The following CELSR1 variants were observed in gnomAD, a reference collection of about 807,000 sequenced individuals.
The protein encoded by CELSR1 is cadherin EGF LAG seven-pass G-type receptor 1.
Under a neutral mutation model 249.1 loss-of-function variants are expected in CELSR1, and 110 were observed. The observed-to-expected ratio is 0.44, with a 90% CI of 0.38 to 0.52. CELSR1 has a LOEUF of 0.52. CELSR1 is among the 20% of genes least tolerant of loss of function. The pLI is 0.00. For missense variants in CELSR1, 4,109 were observed against 4,296.4 expected (o/e 0.96, Z 1.22); for synonymous variants, 2,113 against 1,900.0 (o/e 1.11, Z -2.92).
In CELSR1 at chr22:46,433,380, G is replaced by C. The variant is rs2079618870; in HGVS notation, c.4611+13C>G. ...GCCCTGGGGCCAGGGGGAAGTGGTG[G>C]GGCCCATCTTACCTTGTTGTAGTAC... On this transcript the variant is annotated intron_variant, in intron 5 of 34. Transcript: ENST00000674500. This position sits in a 1 kb window ranked among gnomAD's most constrained non-coding sequence, Gnocchi z 5.7. 1 of 1,609,076 alleles carries C rather than the reference G, an allele frequency of 6.2e-7. No homozygotes were observed. Among genetic ancestry groups the C allele is most frequent in the East Asian group, 2.2e-5 (1 of 44,756 alleles).
chr22:46,503,536 G>T (rs2080485921), intron 1 of CELSR1, among the ~76,000 whole-genome samples: 1 of 152,250 alleles, frequency 6.6e-6, no homozygotes, highest in Admixed American at 6.5e-5. Flanking sequence ...ACTGCATCCA[G>T]CGAGAGGAAG....
intron 5 of CELSR1, among the ~76,000 whole-genome samples, chr22:46,416,228 G>A (rs1056802157): frequency 6.6e-6 from 1 of 152,236 alleles, no homozygotes; most frequent in African/African-American, 2.4e-5. Flanking sequence ...GGGCCACAGG[G>A]TTGTGTCTGA....
intron 5 of CELSR1, among the ~76,000 whole-genome samples, chr22:46,426,126 G>GGCCGGGGAGGGCGCA (rs2079533769): frequency 2.9e-5 from 3 of 103,460 alleles, no homozygotes; most frequent in African/African-American, 1.5e-4. Context: ...AGAGCAGCAA[G>GGCCGGGGAGGGCGCA]GCTGGGGAGG....
At chr22:46,503,899 C>G (rs1264751428) in intron 1 of CELSR1, among the ~76,000 whole-genome samples, 1 of 151,960 alleles carries the variant, frequency 6.6e-6, no homozygotes, top group Non-Finnish European at 1.5e-5. Flanking sequence ...CCAGGTGTGG[C>G]GATGTGCATC....
chr22:46,398,670 C>A lies in CELSR1; in HGVS notation c.5413-33G>T. The A allele has an allele frequency of 6.5e-7, 1 of 1,529,268 alleles. No individual in the cohort carries two copies. The highest frequency in any genetic ancestry group is 8.9e-7 in the Non-Finnish European group (1 of 1,118,124). The allele number at this position is 1,529,268 out of a possible 1,614,324, so 94.7% of individuals were successfully genotyped here. A position where few individuals can be genotyped will look rare whatever the true frequency, so the allele number is the denominator to read the frequency against. ...GAGAGAGGGGCCGGGGATCTGGGGGCTGCATCCACCATCCTAGAAACGTCT... is the reference window on the plus strand; with the variant it reads ...GAGAGAGGGGCCGGGGATCTGGGGGATGCATCCACCATCCTAGAAACGTCT... On this transcript the variant is annotated intron_variant, in intron 10 of 34. Coordinates refer to ENST00000674500, the MANE Select transcript of CELSR1 (RefSeq NM_001378328.1). The surrounding 1 kb of genome is among the most constrained non-coding windows in gnomAD (Gnocchi z 7.2).
At chr22:46,365,191 T>C in intron 32 of CELSR1, 40 bp downstream of exon 32, 1 of 1,596,230 alleles carries the variant, frequency 6.3e-7, no homozygotes, top group South Asian at 1.1e-5. Context: ...GAGCCCGCTG[T>C]CCACAGCCCA....
chr22:46,414,559 G>C (rs907721499), intron 5 of CELSR1, among the ~76,000 whole-genome samples: 1 of 151,718 alleles, frequency 6.6e-6, no homozygotes, highest in South Asian at 2.1e-4. Context: ...GCCTCTCGGC[G>C]AGTGTGGGTT....
At chr22:46,421,195 T>C (rs532488439) in intron 5 of CELSR1, among the ~76,000 whole-genome samples, 2 of 148,538 alleles carry the variant, frequency 1.3e-5, no homozygotes, top group Non-Finnish European at 3.0e-5. Flanking sequence ...CCACCCTCCC[T>C]GCCGAGGTGC....
chr22:46,449,188 A>C (rs562333835), intron 2 of CELSR1, among the ~76,000 whole-genome samples: 6 of 150,916 alleles, frequency 4.0e-5, no homozygotes, highest in Admixed American at 4.0e-4. Flanking sequence ...CCAACCACCC[A>C]TCACACATCC....
At position 46,437,869 on chromosome 22, in the gene CELSR1, T is replaced by G. The variant is rs1426275495; in HGVS notation, c.4406+1320A>C. 6.6e-6 allele frequency among the ~76,000 whole-genome samples: 1 copy of G among 152,074 alleles called. No individual in the cohort carries two copies. Among genetic ancestry groups the G allele is most frequent in the Non-Finnish European group, 1.5e-5 (1 of 68,024 alleles). ...AATACCCACACAGCACACTGATGCT[T>G]GGGCAGGGAATGAGCAGGGAGAAGG... On this transcript the variant is annotated intron_variant, in intron 3 of 34. Transcript: ENST00000674500. This position sits in a 1 kb window ranked among gnomAD's most constrained non-coding sequence, Gnocchi z 4.9.
In CELSR1 at chr22:46,391,794, G is replaced by A. The variant is rs1190061955; in HGVS notation, c.5987C>T (p.Ala1996Val). Reference protein sequence around the residue: ...QCKENYYKLLAQDTCLPCDCF... With the variant: ...QCKENYYKLLVQDTCLPCDCF... ...GTCGCAGGGCAGACAGGTGTCCTGG[G>A]CTAGGAGCTTGTAGTAATTCTCCTG... Residue 1996 changes from alanine to valine, a missense_variant, in exon 15 of 35, where the codon GCC becomes GTC. Physicochemically the swap from Ala to Val is moderately conservative, Grantham distance 64. Around this residue, in one of 7 missense-constraint regions of CELSR1, gnomAD observed 1,805 missense variants for 1,831.6 expected, o/e 0.99. Coordinates refer to ENST00000674500, the MANE Select transcript of CELSR1 (RefSeq NM_001378328.1). The surrounding 1 kb of genome is among the most constrained non-coding windows in gnomAD (Gnocchi z 4.3). 1.2e-6 allele frequency: 2 copies of A among 1,611,286 alleles called. No individual in the cohort carries two copies. Among genetic ancestry groups the A allele is most frequent in the Non-Finnish European group, 1.7e-6 (2 of 1,179,436 alleles).
rs1312661939 is a variant in CELSR1 at position 46,417,585 on chromosome 22, G to A, written c.4612-5826C>T. ...AGCCACTGGGCCACCGGGTGGGGAGGGCAGCTCCACACTATCCCAGGTTGT... is the reference window on the plus strand; with the variant it reads ...AGCCACTGGGCCACCGGGTGGGGAGAGCAGCTCCACACTATCCCAGGTTGT... On this transcript the variant is annotated intron_variant, in intron 5 of 34. Coordinates refer to ENST00000674500, the MANE Select transcript of CELSR1 (RefSeq NM_001378328.1). This position sits in a 1 kb window ranked among gnomAD's most constrained non-coding sequence, Gnocchi z 4.1. Among the ~76,000 whole-genome samples the A allele has an allele frequency of 6.6e-6, 1 of 152,172 alleles. No individual in the cohort carries two copies. The highest frequency in any genetic ancestry group is 2.4e-5 in the African/African-American group (1 of 41,430).
chr22:46,509,762 G>T lies in CELSR1; in HGVS notation c.3544+23865C>A, dbSNP rs138936449. On this transcript the variant is annotated intron_variant, in intron 1 of 34. Transcript: ENST00000674500. The stretch of plus-strand genomic sequence containing the variant: ...GCTGGCCTCAGGGAGCTGGGAGGAG[G>T]GGTTTCACGAGGGGATGGCTGTGGG... Among the ~76,000 whole-genome samples, 4 of 152,250 alleles carry T rather than the reference G, an allele frequency of 2.6e-5. No individual in the cohort carries two copies. In the East Asian group the frequency reaches 5.8e-4, roughly 22 times the overall value.
At chr22:46,365,543 G>C in intron 31 of CELSR1, 43 bp downstream of exon 31, 1 of 1,554,858 alleles carries the variant, frequency 6.4e-7, no homozygotes, top group East Asian at 2.4e-5. Context: ...AGGGACGTGG[G>C]AAAAACAACC....
chr22:46,501,418 C>A (rs1026586870), intron 1 of CELSR1, among the ~76,000 whole-genome samples: 5 of 152,078 alleles, frequency 3.3e-5, no homozygotes, highest in African/African-American at 9.7e-5. Flanking sequence ...GTTGGCCAGG[C>A]TGGTCTCAAA....
In CELSR1 at chr22:46,398,705, G is replaced by A. The variant is rs561424597; in HGVS notation, c.5413-68C>T. 339 of 1,256,814 alleles carry A rather than the reference G, an allele frequency of 2.7e-4. No homozygotes were observed. In the African/African-American group the frequency reaches 4.2e-3, roughly 15 times the overall value. 77.9% of individuals were successfully genotyped at this position (1,256,814 alleles called of 1,614,324 possible). A position where few individuals can be genotyped will look rare whatever the true frequency, so the allele number is the denominator to read the frequency against. ...CATCCTAGAAACGTCTCTCAGATGG[G>A]AAGGATACACTGGAAGTCTAAACAG... On this transcript the variant is annotated intron_variant, in intron 10 of 34. Coordinates refer to ENST00000674500, the MANE Select transcript of CELSR1 (RefSeq NM_001378328.1). The surrounding 1 kb of genome is among the most constrained non-coding windows in gnomAD (Gnocchi z 7.2).
Position 46,433,350 on chromosome 22 carries a change from G to A in CELSR1, c.4611+43C>T, listed in dbSNP as rs376345280. The A allele has an allele frequency of 6.3e-4, 974 of 1,534,718 alleles. No homozygotes were observed. Among genetic ancestry groups the A allele is most frequent in the Non-Finnish European group, 8.2e-4 (910 of 1,116,342 alleles). On this transcript the variant is annotated intron_variant, in intron 5 of 34. Transcript: ENST00000674500. This position sits in a 1 kb window ranked among gnomAD's most constrained non-coding sequence, Gnocchi z 5.7. ...GCGCCTCGCCCCAGGGCACCTTCTCGAGCCGCCCTGGGGCCAGGGGGAAGT... is the reference window on the plus strand; with the variant it reads ...GCGCCTCGCCCCAGGGCACCTTCTCAAGCCGCCCTGGGGCCAGGGGGAAGT...
rs1412434020 is a variant in CELSR1, at chr22:46,408,369, T to G, written c.5226+627A>C. On this transcript the variant is annotated intron_variant, in intron 9 of 34. Coordinates refer to ENST00000674500, the MANE Select transcript of CELSR1 (RefSeq NM_001378328.1). The surrounding 1 kb of genome is among the most constrained non-coding windows in gnomAD (Gnocchi z 4.6). ...TTTTTGAGATGGAGTCTCTGTCTTG[T>G]CGTCCAGACTGGAGTGTGGTGACAC... Among the ~76,000 whole-genome samples, 1 of 152,170 alleles carries G rather than the reference T, an allele frequency of 6.6e-6. No homozygotes were observed. The highest frequency in any genetic ancestry group is 1.5e-5 in the Non-Finnish European group (1 of 68,038).
At position 46,377,186 on chromosome 22, in the gene CELSR1, A is replaced by G. The variant is rs937486076; in HGVS notation, c.7459T>C (p.Phe2487Leu). The G allele has an allele frequency of 2.5e-6, 4 of 1,613,918 alleles. No homozygotes were observed. In the Middle Eastern group the frequency reaches 6.6e-4, roughly 266 times the overall value. The part of the protein sequence containing the change: ...SLSLAALLVA[F>L]VLLSLVRMLR... ...ATGCGGACCAGGCTCAGGAGGACGA[A>G]GGCCACCAGCAGGGCTGCCAGTGAC... Residue 2487 changes from phenylalanine (F) to leucine (L), a missense_variant, in exon 24 of 35, where the codon TTC (phenylalanine) becomes CTC (leucine). Physicochemically the swap from Phe to Leu is conservative, Grantham distance 22. Coordinates refer to ENST00000674500, the MANE Select transcript of CELSR1 (RefSeq NM_001378328.1).
Sources: gnomAD v4.1 joint callset for allele counts (sites outside exome capture counted in the v4.1 genomes callset) on GRCh38, gnomAD v4.1.1 for gene constraint, gnomAD v4.1.1 regional missense constraint, Gnocchi (gnomAD v3.1) non-coding constraint, MANE v1.5 for transcripts, NCBI Gene and HGNC (gene_info 2026-07-23, HGNC 2026-07-21) for gene names.